Variants in DYNC2H1 observed in about 807,000 individuals in gnomAD.
The protein encoded by DYNC2H1 is dynein cytoplasmic 2 heavy chain 1.
DYNC2H1 carries 410 observed loss-of-function variants against 570.0 expected under a neutral mutation model. The ratio of observed to expected loss-of-function variants is 0.72; its 90% CI spans 0.66 to 0.78. The LOEUF is 0.78. Ranked by LOEUF, DYNC2H1 falls within the 30% of genes least tolerant of loss-of-function variation. The pLI is 0.00. For synonymous variants in DYNC2H1, 1,688 were observed against 1,677.6 expected (o/e 1.01, Z -0.15); for missense variants, 4,865 against 5,046.4 (o/e 0.96, Z 1.09).
intron 70 of DYNC2H1, among the ~76,000 whole-genome samples, chr11:103,262,673 G>A (rs1035187031): frequency 1.3e-5 from 2 of 152,028 alleles, no homozygotes; most frequent in African/African-American, 4.8e-5. Flanking sequence ...TCACTACCAG[G>A]CCTGCCTTAC....
chr11:103,123,014 T>A lies in DYNC2H1; in HGVS notation c.1661+14T>A, dbSNP rs745631898. On this transcript the variant is annotated intron_variant, in intron 11 of 88. Coordinates refer to ENST00000375735, the MANE Select transcript of DYNC2H1 (RefSeq NM_001377.3). ...ATCTGGTTTGTGGTAAGTATAGATA[T>A]ATTAAACTGTAAAATCCAAAACCAT... 1.5e-6 allele frequency: 2 copies of A among 1,350,646 alleles called. No individual in the cohort carries two copies. Among genetic ancestry groups the A allele is most frequent in the South Asian group, 2.5e-5 (1 of 40,418 alleles). 83.7% of individuals were successfully genotyped at this position (1,350,646 alleles called of 1,614,324 possible). A position where few individuals can be genotyped will look rare whatever the true frequency, so the allele number is the denominator to read the frequency against.
At chr11:103,260,263 A>G (rs971951735) in intron 70 of DYNC2H1, among the ~76,000 whole-genome samples, 1 of 152,204 alleles carries the variant, frequency 6.6e-6, no homozygotes, top group Non-Finnish European at 1.5e-5. Flanking sequence ...GTATCTCATT[A>G]TATAGCTAGA....
chr11:103,272,642 G>C (rs1328790535), intron 70 of DYNC2H1, among the ~76,000 whole-genome samples: 2 of 152,188 alleles, frequency 1.3e-5, no homozygotes, highest in Non-Finnish European at 1.5e-5. Context: ...TTATCTTGCT[G>C]ATAAGATGCA....
Position 103,358,360 on chromosome 11 carries a change from G to A in DYNC2H1, c.12156+1G>A, listed in dbSNP as rs794727944. The A allele has an allele frequency of 1.9e-6, 3 of 1,540,920 alleles. No homozygotes were observed. The African/African-American group carries it at 4.1e-5, about 21-fold the overall frequency. On this transcript the variant is annotated splice_donor_variant, in intron 83 of 88. Coordinates refer to ENST00000375735, the MANE Select transcript of DYNC2H1 (RefSeq NM_001377.3). LOFTEE classifies it high-confidence loss of function. ...CAATCTCTGGAAGAAACTAAACCAGGTTAGTAGTGGAATATTCTTCTGATT... is the reference window on the plus strand; with the variant it reads ...CAATCTCTGGAAGAAACTAAACCAGATTAGTAGTGGAATATTCTTCTGATT...
chr11:103,147,732 G>T, intron 18 of DYNC2H1, 40 bp from the exon 19 acceptor site: 2 of 1,262,784 alleles, frequency 1.6e-6, no homozygotes, highest in Non-Finnish European at 1.1e-6. Flanking sequence ...CCTCTAATTA[G>T]TCTTTTCCAT....
At position 103,163,358 on chromosome 11, in the gene DYNC2H1, G is replaced by A. The variant is rs1178073224; in HGVS notation, c.4611+211G>A. ...AAGCAACCTAGGCCAGTGGTGAGTA[G>A]GATGGGGAGGAGGGAATCAGGCATC... On this transcript the variant is annotated intron_variant, in intron 30 of 88. Coordinates refer to ENST00000375735, the MANE Select transcript of DYNC2H1 (RefSeq NM_001377.3). The surrounding 1 kb of genome is among the most constrained non-coding windows in gnomAD (Gnocchi z 4.6). Among the ~76,000 whole-genome samples, 1 of 152,186 alleles carries A rather than the reference G, an allele frequency of 6.6e-6. No individual in the cohort carries two copies.
intron 83 of DYNC2H1, among the ~76,000 whole-genome samples, chr11:103,381,887 T>C (rs1941663550): frequency 6.6e-6 from 1 of 152,242 alleles, no homozygotes; most frequent in Non-Finnish European, 1.5e-5. Flanking sequence ...GGTTAACTCA[T>C]TATTGTGTAA....
chr11:103,267,111 G>A (rs1865539740), intron 70 of DYNC2H1, among the ~76,000 whole-genome samples: 1 of 152,028 alleles, frequency 6.6e-6, no homozygotes, highest in Non-Finnish European at 1.5e-5. Flanking sequence ...TCCTGCCCGG[G>A]TTCCAGAGGC....
intron 54 of DYNC2H1, among the ~76,000 whole-genome samples, chr11:103,214,356 A>T (rs1863284951): frequency 6.6e-6 from 1 of 152,058 alleles, no homozygotes. Context: ...TTCTGTGAAG[A>T]ATGTAATTAG....
In DYNC2H1 at chr11:103,186,106, G is replaced by C; in HGVS notation, c.6634-136G>C. 1.2e-6 allele frequency: 1 copy of C among 804,818 alleles called. No homozygotes were observed. The highest frequency in any genetic ancestry group is 2.0e-5 in the South Asian group (1 of 50,418). The allele number at this position is 804,818 out of a possible 1,614,324, so 49.9% of individuals were successfully genotyped here. Reference sequence around the variant, plus strand: ...ATTTGAGATAAAATGTTACATTAATGATAAAATAGGTTTAGTTTATGTAAA... The same window carrying C: ...ATTTGAGATAAAATGTTACATTAATCATAAAATAGGTTTAGTTTATGTAAA... On this transcript the variant is annotated intron_variant, in intron 41 of 88. Coordinates refer to ENST00000375735, the MANE Select transcript of DYNC2H1 (RefSeq NM_001377.3). This position sits in a 1 kb window ranked among gnomAD's most constrained non-coding sequence, Gnocchi z 4.5.
At position 103,472,196 on chromosome 11, in the gene DYNC2H1, T is replaced by G. The variant is rs1053717897; in HGVS notation, c.12765+3491T>G. ...AGAAGCTGAGTAGCCATGCCAGAGT[T>G]TAGACCACCTTATGATCAGTAGGAA... On this transcript the variant is annotated intron_variant, in intron 88 of 88. Coordinates refer to ENST00000375735, the MANE Select transcript of DYNC2H1 (RefSeq NM_001377.3). This position sits in a 1 kb window ranked among gnomAD's most constrained non-coding sequence, Gnocchi z 4.1. 2.0e-5 allele frequency among the ~76,000 whole-genome samples: 3 copies of G among 151,990 alleles called. No individual in the cohort carries two copies. Among genetic ancestry groups the G allele is most frequent in the African/African-American group, 7.2e-5 (3 of 41,384 alleles).
chr11:103,423,606 C>T (rs1209840617), intron 84 of DYNC2H1, among the ~76,000 whole-genome samples: 1 of 151,494 alleles, frequency 6.6e-6, no homozygotes, highest in Non-Finnish European at 1.5e-5. Flanking sequence ...TGGACTTTAC[C>T]AAAATTTTAA....
intron 84 of DYNC2H1, among the ~76,000 whole-genome samples, chr11:103,425,917 C>CT (rs1943654054): frequency 6.7e-6 from 1 of 150,204 alleles, no homozygotes; most frequent in Non-Finnish European, 1.5e-5. Context: ...TTGTTGGGAA[C>CT]AGGCCCCCAA....
chr11:103,479,023 T>C, intron 88 of DYNC2H1, 72 bp from the exon 89 acceptor site: 1 of 1,512,086 alleles, frequency 6.6e-7, no homozygotes, highest in South Asian at 1.2e-5. Flanking sequence ...TATGTTTGTT[T>C]CCTTGGTTAT....
chr11:103,137,322 A>C (rs1295129142), intron 17 of DYNC2H1, among the ~76,000 whole-genome samples: 1 of 149,084 alleles, frequency 6.7e-6, no homozygotes, highest in South Asian at 2.2e-4. Context: ...CCTGAATGGT[A>C]ATGCCTAGGT....
Position 103,113,709 on chromosome 11 carries a change from T to C in DYNC2H1, c.366+2T>C. Reference sequence around the variant, plus strand: ...GTATTCGCACCAATGTTGTTAAAGGTGAGAAAAGAAGCTGTCATTTTTTTT... The same window carrying C: ...GTATTCGCACCAATGTTGTTAAAGGCGAGAAAAGAAGCTGTCATTTTTTTT... On this transcript the variant is annotated splice_donor_variant, in intron 2 of 88. Transcript: ENST00000375735. LOFTEE classifies it high-confidence loss of function. 1 of 1,500,800 alleles carries C rather than the reference T, an allele frequency of 6.7e-7. No individual in the cohort carries two copies. Among genetic ancestry groups the C allele is most frequent in the Non-Finnish European group, 8.8e-7 (1 of 1,132,994 alleles). 93.0% of individuals were successfully genotyped at this position (1,500,800 alleles called of 1,614,324 possible).
chr11:103,384,292 T>A (rs2135587495), intron 83 of DYNC2H1, among the ~76,000 whole-genome samples: 1 of 152,210 alleles, frequency 6.6e-6, no homozygotes, highest in South Asian at 2.1e-4. Context: ...AGCGCTTATG[T>A]TTTTCCTATT....
chr11:103,288,684 T>TAAAAAAAAAAAAAAAAAAAAAAAAAAA (rs57040929), intron 75 of DYNC2H1, among the ~76,000 whole-genome samples: 1 of 27,914 alleles, frequency 3.6e-5, no homozygotes, highest in Non-Finnish European at 6.0e-5. Context: ...CCGTCTCTAC[T>TAAAAAAAAAAAAAAAAAAAAAAAAAAA]AAAAAAAAAA....
chr11:103,409,814 G>A, intron 84 of DYNC2H1, among the ~76,000 whole-genome samples: 1 of 109,170 alleles, frequency 9.2e-6, no homozygotes, highest in African/African-American at 5.2e-5. Context: ...TTGGCTATGG[G>A]TCTCTGTGTA....
Sources: allele counts gnomAD v4.1 joint callset (sites outside exome capture counted in the v4.1 genomes callset), GRCh38; gene constraint gnomAD v4.1.1; non-coding constraint Gnocchi (gnomAD v3.1); transcripts MANE v1.5; gene names NCBI Gene and HGNC (gene_info 2026-07-23, HGNC 2026-07-21).